The following FOXP2 variants were observed in gnomAD, a reference collection of about 807,000 sequenced individuals.
FOXP2 encodes forkhead box P2, also known as forkhead box protein P2.
In FOXP2, 12 loss-of-function variants were observed where a neutral mutation model predicts 115.8. The observed-to-expected ratio is 0.10, with a 90% CI of 0.07 to 0.17. FOXP2 has a LOEUF of 0.17. Among genes scored for constraint, FOXP2 ranks in the 10% least tolerant of loss-of-function variants. The probability of loss-of-function intolerance (pLI) is 1.00; values close to 1 mark genes in which losing one functional copy is unlikely to be tolerated. For missense variants in FOXP2, 629 were observed against 843.5 expected (o/e 0.75, Z 3.15); for synonymous variants, 328 against 297.7 (o/e 1.10, Z -1.05).
intron 1 of FOXP2, among the ~76,000 whole-genome samples, chr7:114,265,161 A>G (rs1795865762): frequency 6.6e-6 from 1 of 152,156 alleles, no homozygotes; most frequent in Admixed American, 6.5e-5. Context: ...AAAAGTCCAA[A>G]GTCTCTTCTG....
chr7:114,113,410 C>G (rs1791324542), intron 1 of FOXP2, among the ~76,000 whole-genome samples: 1 of 152,160 alleles, frequency 6.6e-6, no homozygotes, highest in Admixed American at 6.5e-5. Flanking sequence ...GAGATGAGTT[C>G]TCACTCTGTC....
intron 2 of FOXP2, among the ~76,000 whole-genome samples, chr7:114,288,811 T>C (rs1018715228): frequency 1.2e-4 from 18 of 151,828 alleles, no homozygotes; most frequent in Non-Finnish European, 2.4e-4. Flanking sequence ...TTTAGAATAA[T>C]ATAATTTTAA....
Position 114,308,815 on chromosome 7 carries a change from C to T in FOXP2, c.-11+20706C>T, listed in dbSNP as rs76641953. Among the ~76,000 whole-genome samples, 1,167 of 152,258 alleles carry T rather than the reference C, an allele frequency of 7.7e-3. 14 individuals are homozygous for T. Among genetic ancestry groups the T allele is most frequent in the African/African-American group, 0.026 (1,089 of 41,550 alleles). On this transcript the variant is annotated intron_variant, in intron 2 of 17. Coordinates refer to the FOXP2 transcript ENST00000634411. The stretch of plus-strand genomic sequence containing the variant: ...TAGTTAAGTTTCAGGGCCACAATAT[C>T]ATGGCCAGAGTTGGCTGATTAGACT...
At chr7:114,492,812 G>A (rs550165550) in intron 2 of FOXP2, among the ~76,000 whole-genome samples, 2 of 152,272 alleles carry the variant, frequency 1.3e-5, no homozygotes, top group Admixed American at 6.5e-5. Flanking sequence ...TACATTTGCT[G>A]AGGAGTGCTT....
intron 1 of FOXP2, among the ~76,000 whole-genome samples, chr7:114,156,933 A>C (rs1040124795): frequency 2.0e-5 from 3 of 152,166 alleles, no homozygotes; most frequent in African/African-American, 4.8e-5. Context: ...TGACTATCTC[A>C]GTATAGATTG....
chr7:114,140,374 T>G (rs1200127921), intron 1 of FOXP2, among the ~76,000 whole-genome samples: 1 of 152,104 alleles, frequency 6.6e-6, no homozygotes, highest in Non-Finnish European at 1.5e-5. Flanking sequence ...TTCTGTCCAT[T>G]GAGGTGAATT....
intron 2 of FOXP2, among the ~76,000 whole-genome samples, chr7:114,501,113 A>G (rs1180634299): frequency 6.6e-6 from 1 of 152,192 alleles, no homozygotes; most frequent in East Asian, 1.9e-4. Context: ...TCAATGAGAA[A>G]AATGTGAATT....
At chr7:114,352,840 A>C (rs987330851) in intron 2 of FOXP2, among the ~76,000 whole-genome samples, 1 of 152,190 alleles carries the variant, frequency 6.6e-6, no homozygotes, top group Non-Finnish European at 1.5e-5. Context: ...AATGGCTCTT[A>C]GAATAATTCT....
intron 2 of FOXP2, among the ~76,000 whole-genome samples, chr7:114,401,550 G>A (rs942112821): frequency 6.6e-6 from 1 of 151,890 alleles, no homozygotes; most frequent in Non-Finnish European, 1.5e-5. Flanking sequence ...TATCAATCAC[G>A]TGTCAACAGT....
chr7:114,429,724 G>A (rs1794020656), intron 2 of FOXP2, among the ~76,000 whole-genome samples: 1 of 151,522 alleles, frequency 6.6e-6, no homozygotes, highest in Non-Finnish European at 1.5e-5. Flanking sequence ...TGTTTCAGGT[G>A]ATGGTGTTTA....
chr7:114,102,657 A>G (rs1791010457), intron 1 of FOXP2, among the ~76,000 whole-genome samples: 2 of 149,478 alleles, frequency 1.3e-5, no homozygotes, highest in Admixed American at 6.7e-5. Context: ...GTTTTAACCC[A>G]TGGACCATAT....
chr7:114,424,415 T>TAC (rs898032654), intron 1 of FOXP2, among the ~76,000 whole-genome samples: 86 of 151,648 alleles, frequency 5.7e-4, no homozygotes, highest in Middle Eastern at 3.4e-3. Context: ...TACACATATA[T>TAC]ACACATATTC....
At chr7:114,620,002 T>C (rs1019212513) in intron 3 of FOXP2, among the ~76,000 whole-genome samples, 1 of 152,078 alleles carries the variant, frequency 6.6e-6, no homozygotes, top group African/African-American at 2.4e-5. Flanking sequence ...ACAGTGATCA[T>C]GTTGGAGAAA....
At chr7:114,276,687 T>C (rs938705134) in intron 1 of FOXP2, among the ~76,000 whole-genome samples, 17 of 152,170 alleles carry the variant, frequency 1.1e-4, no homozygotes, top group Non-Finnish European at 2.9e-5. Flanking sequence ...GTTCCCATAG[T>C]GGTCATGATA....
At chr7:114,424,230 A>G (rs1444091365) in intron 1 of FOXP2, among the ~76,000 whole-genome samples, 4 of 151,436 alleles carry the variant, frequency 2.6e-5, no homozygotes, top group Admixed American at 2.0e-4. Flanking sequence ...TAATACATGT[A>G]GAATTCTTTA....
intron 2 of FOXP2, among the ~76,000 whole-genome samples, chr7:114,487,573 G>C (rs1268596970): frequency 6.6e-6 from 1 of 151,996 alleles, no homozygotes; most frequent in Non-Finnish European, 1.5e-5. Context: ...ACATCATCAG[G>C]CTGCAAATTT....
chr7:114,321,546 T>C (rs918156561), intron 2 of FOXP2, among the ~76,000 whole-genome samples: 2 of 152,172 alleles, frequency 1.3e-5, no homozygotes, highest in Admixed American at 6.6e-5. Context: ...GTTCCCATTC[T>C]ACTTTACCAG....
chr7:114,650,827 C>T (rs1355674301), intron 8 of FOXP2, among the ~76,000 whole-genome samples: 1 of 151,948 alleles, frequency 6.6e-6, no homozygotes, highest in Non-Finnish European at 1.5e-5. Context: ...CCAAGACTGA[C>T]ATTGTGACAA....
intron 2 of FOXP2, among the ~76,000 whole-genome samples, chr7:114,359,046 C>A (rs1791682562): frequency 6.6e-6 from 1 of 152,104 alleles, no homozygotes. Flanking sequence ...TTCACAGCAG[C>A]CCCTCCCATC....
Sources: gnomAD v4.1 joint callset for allele counts (sites outside exome capture counted in the v4.1 genomes callset) on GRCh38, gnomAD v4.1.1 for gene constraint, MANE v1.5 for transcripts, NCBI Gene and HGNC (gene_info 2026-07-23, HGNC 2026-07-21) for gene names.